The following VPS41 variants were observed in gnomAD, a reference collection of about 807,000 sequenced individuals.
VPS41 encodes vacuolar protein sorting-associated protein 41 homolog.
A neutral mutation model predicts 130.9 loss-of-function variants in VPS41; 85 were observed. The observed-to-expected ratio is 0.65, with a 90% CI of 0.55 to 0.78. VPS41 has a LOEUF of 0.78. VPS41 is among the 30% of genes least tolerant of loss of function. The pLI is 0.00. For missense variants in VPS41, 874 were observed against 1,018.7 expected (o/e 0.86, Z 1.93); for synonymous variants, 335 against 332.9 (o/e 1.01, Z -0.07).
intron 9 of VPS41, among the ~76,000 whole-genome samples, chr7:38,792,695 G>C (rs1224439714): frequency 6.6e-6 from 1 of 152,114 alleles, no homozygotes; most frequent in African/African-American, 2.4e-5. Context: ...ATACAAGTTA[G>C]ATCACTTAAC....
At chr7:38,844,641 T>C (rs1244417051) in intron 4 of VPS41, among the ~76,000 whole-genome samples, 1 of 152,228 alleles carries the variant, frequency 6.6e-6, no homozygotes, top group South Asian at 2.1e-4. Context: ...TGTTTAACAA[T>C]GGAGCTTAAA....
chr7:38,778,355 G>A (rs1013757771), intron 10 of VPS41, among the ~76,000 whole-genome samples: 4 of 152,196 alleles, frequency 2.6e-5, no homozygotes, highest in Non-Finnish European at 5.9e-5. Context: ...TGTTTCTAGC[G>A]TAACCAGGCT....
intron 3 of VPS41, 31 bp from the exon 4 acceptor site, chr7:38,862,653 A>G: frequency 7.2e-7 from 1 of 1,390,930 alleles, no homozygotes; most frequent in Non-Finnish European, 1.0e-6. Context: ...CCAGTTAATT[A>G]ATTAATAATA....
chr7:38,849,316 G>T (rs547276249), intron 4 of VPS41, among the ~76,000 whole-genome samples: 1 of 152,244 alleles, frequency 6.6e-6, no homozygotes, highest in African/African-American at 2.4e-5. Flanking sequence ...TGTGTTACAG[G>T]ATGCTCTTTT....
intron 9 of VPS41, among the ~76,000 whole-genome samples, chr7:38,794,969 T>C (rs1025520606): frequency 6.6e-6 from 1 of 152,094 alleles, no homozygotes; most frequent in Admixed American, 6.6e-5. Context: ...CTTCAGAAAA[T>C]ATGCCCAAAT....
At chr7:38,812,493 T>C (rs1377167278) in intron 7 of VPS41, among the ~76,000 whole-genome samples, 1 of 152,102 alleles carries the variant, frequency 6.6e-6, no homozygotes, top group Non-Finnish European at 1.5e-5. Flanking sequence ...GGCAGTGATC[T>C]CTTAGATACA....
intron 10 of VPS41, among the ~76,000 whole-genome samples, chr7:38,784,877 C>T (rs956537726): frequency 6.6e-5 from 10 of 152,128 alleles, no homozygotes; most frequent in South Asian, 6.2e-4. Flanking sequence ...TTTCTTATTC[C>T]CTTATTGGTC....
chr7:38,799,075 A>C (rs1043934998), intron 7 of VPS41, among the ~76,000 whole-genome samples: 6 of 152,126 alleles, frequency 3.9e-5, no homozygotes, highest in Admixed American at 6.5e-5. Context: ...GTCCCCAAGC[A>C]TGTAGCCAGC....
In VPS41 at chr7:38,795,559, C is replaced by A; in HGVS notation, c.623G>T (p.Arg208Leu). ...ISKQRITNVP[R>L]DDISLRPDMY... ...GTCTGGGCGAAGACTTATATCATCC[C>A]GGGGCACATTGGTGATTCTTTGCTT... Residue 208 changes from arginine (R) to leucine (L), a missense_variant, in exon 9 of 29, where the codon CGG becomes CTG. Transcript: ENST00000310301. 1 of 1,613,228 alleles carries A rather than the reference C, an allele frequency of 6.2e-7. No homozygotes were observed. The highest frequency in any genetic ancestry group is 8.5e-7 in the Non-Finnish European group (1 of 1,179,462).
chr7:38,796,842 C>T lies in VPS41; in HGVS notation c.473G>A (p.Trp158Ter). The T allele has an allele frequency of 1.2e-6, 2 of 1,613,950 alleles. No homozygotes were observed. Among genetic ancestry groups the T allele is most frequent in the East Asian group, 2.2e-5 (1 of 44,866 alleles). Residue 158 changes from tryptophan (W) to a stop codon, truncating the protein, a stop_gained, in exon 8 of 29, where the codon TGG becomes TAG. Transcript: ENST00000310301. LOFTEE classifies it high-confidence loss of function. ...AACAGCAGACTTCCATCTGTTCATC[C>T]AAGACCGTTCAAACAGTAGCAGCTA... Reference protein sequence around the residue: ...GKKLLLFERSWMNRWKSAVLH... With the variant: ...GKKLLLFERS
chr7:38,728,312 A>C (rs1795588386), intron 27 of VPS41: 2 of 683,864 alleles, frequency 2.9e-6, no homozygotes, highest in African/African-American at 3.6e-5. Flanking sequence ...TCTGGGTTCC[A>C]ATAAGCCTGC....
At chr7:38,730,362 G>C (rs1795638955) in intron 25 of VPS41, among the ~76,000 whole-genome samples, 1 of 152,136 alleles carries the variant, frequency 6.6e-6, no homozygotes, top group Non-Finnish European at 1.5e-5. Context: ...ACTGGCTTTG[G>C]GTGAATCCAG....
intron 7 of VPS41, 110 bp from the exon 8 acceptor site, chr7:38,796,974 C>A: frequency 7.9e-7 from 1 of 1,267,082 alleles, no homozygotes; most frequent in Non-Finnish European, 1.1e-6. Flanking sequence ...ACAAGTCACT[C>A]TCGACGTCTT....
chr7:38,792,575 C>A (rs1336471717), intron 9 of VPS41, among the ~76,000 whole-genome samples: 2 of 152,178 alleles, frequency 1.3e-5, no homozygotes, highest in African/African-American at 4.8e-5. Flanking sequence ...TTACACTGAC[C>A]TGAGACAACA....
intron 13 of VPS41, 49 bp downstream of exon 13, chr7:38,772,473 C>T (rs1584388117): frequency 7.9e-7 from 1 of 1,269,828 alleles, no homozygotes; most frequent in Non-Finnish European, 1.1e-6. Flanking sequence ...TCTTCTCTCT[C>T]TATGCTGTAG....
intron 4 of VPS41, among the ~76,000 whole-genome samples, chr7:38,856,046 T>C (rs1019373052): frequency 2.0e-5 from 3 of 152,172 alleles, no homozygotes; most frequent in Non-Finnish European, 2.9e-5. Flanking sequence ...TGTGTCCTTA[T>C]ATGGCCGGCA....
At chr7:38,884,696 G>A (rs767060717) in intron 2 of VPS41, among the ~76,000 whole-genome samples, 2 of 152,078 alleles carry the variant, frequency 1.3e-5, no homozygotes, top group Non-Finnish European at 2.9e-5. Flanking sequence ...CTTGGCCTGG[G>A]CTCTGAGTAA....
At chr7:38,787,723 T>C (rs1046189920) in intron 10 of VPS41, among the ~76,000 whole-genome samples, 1 of 152,172 alleles carries the variant, frequency 6.6e-6, no homozygotes, top group Non-Finnish European at 1.5e-5. Context: ...GCTCACACTA[T>C]TCAGGGCTAA....
At chr7:38,780,125 G>C (rs1322464706) in intron 10 of VPS41, among the ~76,000 whole-genome samples, 1 of 149,628 alleles carries the variant, frequency 6.7e-6, no homozygotes, top group Non-Finnish European at 1.5e-5. Flanking sequence ...AATTCTGCTA[G>C]AGAGGAAATA....
Sources: allele counts gnomAD v4.1 joint callset (sites outside exome capture counted in the v4.1 genomes callset), GRCh38; gene constraint gnomAD v4.1.1; transcripts MANE v1.5; gene names NCBI Gene and HGNC (gene_info 2026-07-23, HGNC 2026-07-21).